JMJD1C: variants seen among roughly 807,000 people sequenced by gnomAD.
JMJD1C encodes the protein jumonji domain containing 1C.
JMJD1C carries 31 observed loss-of-function variants against 245.3 expected under a neutral mutation model. That is an observed-to-expected ratio of 0.13 (90% CI 0.09 to 0.17). JMJD1C has a LOEUF of 0.17. Among genes scored for constraint, JMJD1C ranks in the 10% least tolerant of loss-of-function variants. JMJD1C has a pLI of 1.00. For synonymous variants in JMJD1C, 1,057 were observed against 1,017.4 expected, an observed-to-expected ratio of 1.04 and a Z score of -0.74; for missense variants, 2,691 against 3,000.2, an observed-to-expected ratio of 0.90 and a Z score of 2.41.
intron 5 of JMJD1C, 128 bp from the exon 6 acceptor site, chr10:63,215,824 T>C (rs1243821510): frequency 1.7e-6 from 1 of 596,034 alleles, no homozygotes; most frequent in African/African-American, 1.8e-5. Context: ...AAGATGCTGT[T>C]ATAATAATTT....
intron 2 of JMJD1C, among the ~76,000 whole-genome samples, chr10:63,335,024 A>G (rs867482291): frequency 2.6e-4 from 4 of 15,204 alleles, no homozygotes; most frequent in African/African-American, 2.2e-3. Flanking sequence ...CTGTCTTTGG[A>G]AAAAAATAAA....
intron 22 of JMJD1C, among the ~76,000 whole-genome samples, chr10:63,180,193 A>T (rs921308391): frequency 1.1e-4 from 17 of 152,016 alleles, no homozygotes; most frequent in African/African-American, 3.9e-4. Flanking sequence ...TTTTTTAACT[A>T]CAGATGGGGT....
intron 3 of JMJD1C, among the ~76,000 whole-genome samples, chr10:63,230,508 A>C (rs148140382): frequency 6.6e-6 from 1 of 152,194 alleles, no homozygotes; most frequent in Non-Finnish European, 1.5e-5. Flanking sequence ...CTCCACAAAC[A>C]TAAGAGCTAA....
chr10:63,390,531 C>T (rs1253054392), intron 1 of JMJD1C, among the ~76,000 whole-genome samples: 1 of 151,756 alleles, frequency 6.6e-6, no homozygotes. Flanking sequence ...TTCTAAGAGG[C>T]CAGCATTATA....
chr10:63,427,315 G>A, intron 1 of JMJD1C: 1 of 973,910 alleles, frequency 1.0e-6, no homozygotes, highest in South Asian at 1.4e-5. Context: ...GTATTTCCTG[G>A]GCCAGGGCGT....
At chr10:63,326,381 A>T (rs528974661) in intron 2 of JMJD1C, among the ~76,000 whole-genome samples, 2 of 143,278 alleles carry the variant, frequency 1.4e-5, no homozygotes, top group South Asian at 2.2e-4. Context: ...TTCCATCTCA[A>T]AAATAAATAA....
At chr10:63,233,780 CACA>C (rs768633102) in intron 3 of JMJD1C, among the ~76,000 whole-genome samples, 4 of 134,918 alleles carry the variant, frequency 3.0e-5, no homozygotes, top group Admixed American at 7.4e-5. Flanking sequence ...CACACACACA[CACA>C]CCACCACCAG....
At chr10:63,262,478 T>C (rs936525215) in intron 3 of JMJD1C, among the ~76,000 whole-genome samples, 1 of 152,134 alleles carries the variant, frequency 6.6e-6, no homozygotes, top group Non-Finnish European at 1.5e-5. Flanking sequence ...CTATAAAAAA[T>C]GCACATAGAA....
At chr10:63,234,549 T>C (rs566127918) in intron 3 of JMJD1C, among the ~76,000 whole-genome samples, 1 of 129,922 alleles carries the variant, frequency 7.7e-6, no homozygotes, top group South Asian at 2.7e-4. Context: ...TTCCCTATCC[T>C]ATAAAAAAAA....
At chr10:63,441,877 T>C (rs1157635528) in intron 1 of JMJD1C, among the ~76,000 whole-genome samples, 1 of 152,200 alleles carries the variant, frequency 6.6e-6, no homozygotes, top group Non-Finnish European at 1.5e-5. Flanking sequence ...TCTGCTCCTC[T>C]CAATCCTCTT....
intron 2 of JMJD1C, among the ~76,000 whole-genome samples, chr10:63,314,141 T>C (rs571579245): frequency 2.6e-5 from 4 of 152,360 alleles, no homozygotes; most frequent in African/African-American, 7.2e-5. Flanking sequence ...TACATGTGAC[T>C]TGCCAATTCT....
chr10:63,208,497 T>A lies in JMJD1C; in HGVS notation c.3172A>T (p.Ser1058Cys), dbSNP rs1016679204. 1.2e-6 allele frequency: 2 copies of A among 1,614,100 alleles called. No homozygotes were observed. Among genetic ancestry groups the A allele is most frequent in the Non-Finnish European group, 1.7e-6 (2 of 1,179,974 alleles). ...TGTTTGATGATATGGCTTTTAGGAC[T>A]GGAAGATGATGATGCCACTCTGGAA... ...NYSRVASSSS[S>C]PKSHIIKQDM... is the part of the protein sequence containing the mutation. Residue 1058 changes from serine (S) to cysteine (C), a missense_variant, in exon 10 of 26, where the codon AGT becomes TGT. By Grantham distance (112) the Ser-to-Cys change is moderately radical. Coordinates refer to ENST00000399262, the MANE Select transcript of JMJD1C (RefSeq NM_032776.3).
Position 63,465,680 on chromosome 10 carries a change from C to G in JMJD1C, c.-18G>C, listed in dbSNP as rs750194941. 6.2e-7 allele frequency: 1 copy of G among 1,606,266 alleles called. No individual in the cohort carries two copies. The highest frequency in any genetic ancestry group is 1.7e-5 in the Admixed American group (1 of 59,994). ...ACCGCCATAGCTGTCGCTGCCGAAG[C>G]GGCCGCTGCCTCCTCCAGTGCGAGG... On this transcript the variant is annotated 5_prime_UTR_variant, in exon 1 of 26. Transcript: ENST00000399262.
chr10:63,459,350 G>T (rs1484797142), intron 1 of JMJD1C, among the ~76,000 whole-genome samples: 4 of 152,188 alleles, frequency 2.6e-5, no homozygotes, highest in African/African-American at 9.6e-5. Context: ...AACACTGACA[G>T]AGTATAAACT....
At chr10:63,219,122 G>T (rs1848317710) in intron 4 of JMJD1C, among the ~76,000 whole-genome samples, 1 of 152,078 alleles carries the variant, frequency 6.6e-6, no homozygotes, top group Admixed American at 6.5e-5. Context: ...ATTCTCCACA[G>T]AAAAGTTTAA....
rs1564558514 is a variant in JMJD1C at position 63,180,331 on chromosome 10, A to T, written c.7085-2475T>A. 1.3e-5 allele frequency among the ~76,000 whole-genome samples: 2 copies of T among 152,206 alleles called. 1 individual carries two copies. The highest frequency in any genetic ancestry group is 2.9e-5 in the Non-Finnish European group (2 of 68,032). ...TTGAAACATTTGGTAAGTGTTTACT[A>T]TGTGCGAGGCACTGTCCTAGGAAGT... On this transcript the variant is annotated intron_variant, in intron 22 of 25. Coordinates refer to ENST00000399262, the MANE Select transcript of JMJD1C (RefSeq NM_032776.3).
chr10:63,232,403 T>C, intron 3 of JMJD1C, among the ~76,000 whole-genome samples: 1 of 152,202 alleles, frequency 6.6e-6, no homozygotes, highest in East Asian at 1.9e-4. Flanking sequence ...GACAACATAA[T>C]TTACTTTTAT....
At chr10:63,204,875 C>T (rs1564600531) in intron 10 of JMJD1C, 8 of 985,250 alleles carry the variant, frequency 8.1e-6, no homozygotes, top group Non-Finnish European at 8.4e-6. Context: ...TGTGGGAAAA[C>T]CTCATTCAGT....
At chr10:63,326,683 C>T (rs1158351056) in intron 2 of JMJD1C, among the ~76,000 whole-genome samples, 1 of 151,898 alleles carries the variant, frequency 6.6e-6, no homozygotes, top group Non-Finnish European at 1.5e-5. Context: ...AGTTCGAGAC[C>T]AGCCTGACCA....
Sources: allele counts gnomAD v4.1 joint callset (sites outside exome capture counted in the v4.1 genomes callset), GRCh38; gene constraint gnomAD v4.1.1; transcripts MANE v1.5; gene names NCBI Gene and HGNC (gene_info 2026-07-23, HGNC 2026-07-21).